Variants in ATP11A observed in about 807,000 individuals in gnomAD.
ATP11A encodes the protein phospholipid-transporting ATPase IH.
In ATP11A, 81 loss-of-function variants were observed where a neutral mutation model predicts 154.4. That is an observed-to-expected ratio of 0.52 (90% CI 0.44 to 0.63). ATP11A has a LOEUF of 0.63. ATP11A is among the 30% of genes least tolerant of loss of function. The pLI, the probability that ATP11A is intolerant of heterozygous loss-of-function variation, is 0.00. For missense variants in ATP11A, 1,316 were observed against 1,474.3 expected (o/e 0.89, Z 1.76); for synonymous variants, 623 against 585.9 (o/e 1.06, Z -0.91).
Position 112,852,061 on chromosome 13 carries a change from A to G in ATP11A, c.1991+843A>G, listed in dbSNP as rs1160921380. Among the ~76,000 whole-genome samples, 7 of 152,354 alleles carry G rather than the reference A, an allele frequency of 4.6e-5. No homozygotes were observed. In the East Asian group the frequency reaches 5.8e-4, roughly 13 times the overall value. Reference sequence around the variant, plus strand: ...AGAGCTGCCAGTGTGCCCCAGCTCCACAATGGGGACTGAAAGTTGTTTGAG... The same window carrying G: ...AGAGCTGCCAGTGTGCCCCAGCTCCGCAATGGGGACTGAAAGTTGTTTGAG... On this transcript the variant is annotated intron_variant, in intron 18 of 29. Transcript: ENST00000375645.
chr13:112,771,390 C>T (rs1036948015), intron 1 of ATP11A, among the ~76,000 whole-genome samples: 5 of 152,212 alleles, frequency 3.3e-5, no homozygotes, highest in South Asian at 4.1e-4. Flanking sequence ...CTGGGACGGG[C>T]GCAGGTGACT....
intron 2 of ATP11A, among the ~76,000 whole-genome samples, chr13:112,792,986 A>G (rs916360776): frequency 3.3e-5 from 5 of 152,222 alleles, no homozygotes; most frequent in African/African-American, 1.2e-4. Context: ...AGGTATAGCC[A>G]GTGTTTTCAT....
chr13:112,834,201 G>T (rs1042899786), intron 14 of ATP11A, among the ~76,000 whole-genome samples: 1 of 152,174 alleles, frequency 6.6e-6, no homozygotes, highest in Non-Finnish European at 1.5e-5. Flanking sequence ...AGCCTCTCAG[G>T]GTCCCTCTCC....
At chr13:112,713,436 G>A (rs144986446) in intron 1 of ATP11A, among the ~76,000 whole-genome samples, 1 of 152,140 alleles carries the variant, frequency 6.6e-6, no homozygotes, top group African/African-American at 2.4e-5. Context: ...AAAGTGGCAT[G>A]AATAATCATG....
chr13:112,831,427 A>C lies in ATP11A; in HGVS notation c.1274A>C (p.Glu425Ala). The change falls in exon 13 of 30, where the codon GAG becomes GCG. Residue 425 changes from glutamate (E) to alanine (A), a missense_variant. Coordinates refer to ENST00000375645, the MANE Select transcript of ATP11A (RefSeq NM_015205.3). ...KTGTLTENNMEFKECCIEGHV... is the reference protein window; with the variant it reads ...KTGTLTENNMAFKECCIEGHV... ...GGCACCCTCACGGAAAACAACATGGAGTTCAAGGAGTGCTGCATCGAAGGC... is the reference window on the plus strand; with the variant it reads ...GGCACCCTCACGGAAAACAACATGGCGTTCAAGGAGTGCTGCATCGAAGGC... The C allele has an allele frequency of 1.2e-6, 2 of 1,614,182 alleles. No individual in the cohort carries two copies. The highest frequency in any genetic ancestry group is 1.7e-6 in the Non-Finnish European group (2 of 1,180,030).
In ATP11A at chr13:112,780,240, C is replaced by T. The variant is rs534434472; in HGVS notation, c.40-4895C>T. 8.9e-4 allele frequency among the ~76,000 whole-genome samples: 135 copies of T among 152,240 alleles called. 1 individual carries two copies. Among genetic ancestry groups the T allele is most frequent in the Non-Finnish European group, 2.9e-4 (20 of 68,028 alleles). ...GTTCCAACTGGAAAATATTCAAAGT[C>T]GTGCACCCACCACCACCCTCCAACC... On this transcript the variant is annotated intron_variant, in intron 1 of 29. Coordinates refer to ENST00000375645, the MANE Select transcript of ATP11A (RefSeq NM_015205.3).
intron 5 of ATP11A, among the ~76,000 whole-genome samples, chr13:112,813,014 A>T (rs900334262): frequency 2.6e-5 from 4 of 152,232 alleles, no homozygotes; most frequent in African/African-American, 9.6e-5. Flanking sequence ...TTTTTAATGT[A>T]TCGGTCTTCT....
At chr13:112,868,673 C>A (rs2080416965) in intron 25 of ATP11A, among the ~76,000 whole-genome samples, 1 of 152,144 alleles carries the variant, frequency 6.6e-6, no homozygotes, top group African/African-American at 2.4e-5. Flanking sequence ...TGCCTGCCAC[C>A]CCCAGAATCT....
rs1271791081 is a variant in ATP11A at position 112,807,669 on chromosome 13, G to T, written c.333+1376G>T. Among the ~76,000 whole-genome samples, 1 of 152,156 alleles carries T rather than the reference G, an allele frequency of 6.6e-6. No individual in the cohort carries two copies. The highest frequency in any genetic ancestry group is 1.5e-5 in the Non-Finnish European group (1 of 68,026). ...ACAAGGAAATGGTGCTGAAGGAAAC[G>T]ATGTTACTCGGGGACCTGCCATGTG... is the stretch of plus-strand genomic sequence containing the variant. On this transcript the variant is annotated intron_variant, in intron 4 of 29. Coordinates refer to ENST00000375645, the MANE Select transcript of ATP11A (RefSeq NM_015205.3). This position sits in a 1 kb window ranked among gnomAD's most constrained non-coding sequence, Gnocchi z 4.5.
intron 16 of ATP11A, among the ~76,000 whole-genome samples, chr13:112,837,092 C>T (rs1594128582): frequency 2.0e-5 from 3 of 152,220 alleles, no homozygotes; most frequent in Non-Finnish European, 2.9e-5. Context: ...AACGTGCAGG[C>T]GCCCCTGGCT....
chr13:112,780,680 A>G (rs1392180754), intron 1 of ATP11A, among the ~76,000 whole-genome samples: 2 of 152,164 alleles, frequency 1.3e-5, no homozygotes, highest in African/African-American at 4.8e-5. Flanking sequence ...AGCACAGGGT[A>G]GATTTTTACT....
chr13:112,878,518 G>A, intron 29 of ATP11A: 1 of 603,010 alleles, frequency 1.7e-6, no homozygotes, highest in African/African-American at 1.8e-5. Context: ...GTTAACCAGG[G>A]TTTCTCCCTC....
At chr13:112,766,671 T>C (rs925498380) in intron 1 of ATP11A, among the ~76,000 whole-genome samples, 1 of 152,018 alleles carries the variant, frequency 6.6e-6, no homozygotes, top group Non-Finnish European at 1.5e-5. Context: ...CCCCCCAGGA[T>C]GGGGGCAGAA....
rs760113692 is a variant in ATP11A, at chr13:112,831,482, C to T, written c.1329C>T (p.Asn443=). The T allele has an allele frequency of 1.9e-5, 30 of 1,614,068 alleles. No individual in the cohort carries two copies. The highest frequency in any genetic ancestry group is 1.6e-4 in the Middle Eastern group (1 of 6,084). The stretch of plus-strand genomic sequence containing the variant: ...TCTACGTGCCCCACGTCATCTGCAA[C>T]GGGCAGGTCCTCCCAGAGTCGTCAG... The part of the protein sequence containing the change: ...GHVYVPHVIC[N]GQVLPESSGI... The change falls in exon 13 of 30, where the codon AAC becomes AAT. Residue 443 remains asparagine (N), a synonymous_variant. Coordinates refer to ENST00000375645, the MANE Select transcript of ATP11A (RefSeq NM_015205.3).
intron 27 of ATP11A, among the ~76,000 whole-genome samples, chr13:112,874,918 A>G (rs2080671196): frequency 6.6e-6 from 1 of 152,146 alleles, no homozygotes; most frequent in African/African-American, 2.4e-5. Context: ...AAGGAGCCAC[A>G]GCCCGTCAGC....
At chr13:112,818,153 G>GTT (rs2078694781) in intron 6 of ATP11A, among the ~76,000 whole-genome samples, 1 of 151,000 alleles carries the variant, frequency 6.6e-6, no homozygotes, top group South Asian at 2.1e-4. Flanking sequence ...GGCGGTGACC[G>GTT]TGTGTGCGCT....
At chr13:112,774,718 C>T (rs549486526) in intron 1 of ATP11A, among the ~76,000 whole-genome samples, 2 of 152,354 alleles carry the variant, frequency 1.3e-5, no homozygotes, top group Middle Eastern at 3.4e-3. Context: ...TGGTGACTTA[C>T]AGTGTATTTC....
Position 112,826,672 on chromosome 13 carries a change from C to T in ATP11A, c.1024-22C>T, listed in dbSNP as rs1035576752. ...CTGTCCCTCCTGGTGGAGGTGCTGA[C>T]CCGCACCTTCTGCTCTTGCAGTTCC... On this transcript the variant is annotated intron_variant, in intron 11 of 29. Transcript: ENST00000375645. The T allele has an allele frequency of 1.2e-5, 19 of 1,607,588 alleles. No individual in the cohort carries two copies. In the African/African-American group the frequency reaches 2.4e-4, roughly 20 times the overall value.
intron 13 of ATP11A, among the ~76,000 whole-genome samples, chr13:112,831,898 A>G (rs1038153226): frequency 1.8e-4 from 27 of 151,506 alleles, no homozygotes; most frequent in African/African-American, 6.6e-4. Context: ...AGACACACGC[A>G]CTCACACATG....
Sources: allele counts gnomAD v4.1 joint callset (sites outside exome capture counted in the v4.1 genomes callset), GRCh38; gene constraint gnomAD v4.1.1; non-coding constraint Gnocchi (gnomAD v3.1); transcripts MANE v1.5; gene names NCBI Gene and HGNC (gene_info 2026-07-23, HGNC 2026-07-21).